Variants in CAST observed in about 807,000 individuals in gnomAD.
CAST encodes the protein calpastatin.
In CAST, 76 loss-of-function variants were observed where a neutral mutation model predicts 119.6. The ratio of observed to expected loss-of-function variants is 0.64; its 90% CI spans 0.53 to 0.77. CAST has a LOEUF of 0.77. Ranked by LOEUF, CAST falls within the 30% of genes least tolerant of loss-of-function variation. The pLI is 0.00. For missense variants in CAST, 953 were observed against 946.5 expected, an observed-to-expected ratio of 1.01 and a Z score of -0.09; for synonymous variants, 319 against 331.6, an observed-to-expected ratio of 0.96 and a Z score of 0.41.
the CAST span, among the ~76,000 whole-genome samples, chr5:96,246,283 G>C: frequency 1.4e-5 from 2 of 143,332 alleles, no homozygotes; most frequent in Non-Finnish European, 3.0e-5. Flanking sequence ...CCGGGGTTCA[G>C]GCCATTCTCC....
At chr5:96,345,536 C>CTAT in the CAST span, among the ~76,000 whole-genome samples, 1 of 152,184 alleles carries the variant, frequency 6.6e-6, no homozygotes, top group Non-Finnish European at 1.5e-5. Flanking sequence ...TTAAGAAACA[C>CTAT]TATATTATTC....
intron 2 of CAST, chr5:96,679,182 GTTGAAGCTA>G (rs1487684071): frequency 6.6e-6 from 1 of 152,100 alleles, no homozygotes; most frequent in Non-Finnish European, 1.5e-5. Flanking sequence ...GTAATAGAAT[GTTGAAGCTA>G]ATACATTTGT....
At chr5:96,041,713 A>C in the CAST span, among the ~76,000 whole-genome samples, 1 of 152,194 alleles carries the variant, frequency 6.6e-6, no homozygotes. Flanking sequence ...TTATAAAAAA[A>C]AAAGTCTGTT....
chr5:96,584,724 C>T (rs1447599143), intron 1 of CAST: 1 of 152,160 alleles, frequency 6.6e-6, no homozygotes. Context: ...GAGGAGGAGT[C>T]TTTTCAAGTT....
At chr5:96,056,493 A>G in the CAST span, among the ~76,000 whole-genome samples, 1 of 152,116 alleles carries the variant, frequency 6.6e-6, no homozygotes, top group African/African-American at 2.4e-5. Context: ...ATTCACACAG[A>G]TGGGTTGTTT....
At chr5:96,654,425 A>C (rs1748131086) in intron 1 of CAST, among the ~76,000 whole-genome samples, 1 of 152,266 alleles carries the variant, frequency 6.6e-6, no homozygotes, top group East Asian at 1.9e-4. Flanking sequence ...CAAACTGTGG[A>C]GTACATAATG....
the CAST span, among the ~76,000 whole-genome samples, chr5:96,008,782 T>A: frequency 6.6e-6 from 1 of 152,214 alleles, no homozygotes; most frequent in Non-Finnish European, 1.5e-5. Flanking sequence ...AATGCTGAGA[T>A]ACAGAGAGAG....
At chr5:96,771,069 T>C (rs1772127850) in intron 30 of CAST, among the ~76,000 whole-genome samples, 1 of 152,120 alleles carries the variant, frequency 6.6e-6, no homozygotes, top group African/African-American at 2.4e-5. Context: ...AGGTGTAGCT[T>C]TAAAGACAAT....
At chr5:96,713,473 A>G (rs1251374341) in intron 3 of CAST, among the ~76,000 whole-genome samples, 1 of 152,058 alleles carries the variant, frequency 6.6e-6, no homozygotes. Context: ...ATCAATAACC[A>G]TATATGCTTT....
chr5:96,640,462 C>A (rs546222150), intron 1 of CAST, among the ~76,000 whole-genome samples: 20 of 152,334 alleles, frequency 1.3e-4, no homozygotes, highest in African/African-American at 4.6e-4. Context: ...CTTTACTCTT[C>A]TCCAGATAGT....
At chr5:96,231,325 A>G in the CAST span, among the ~76,000 whole-genome samples, 3 of 152,186 alleles carry the variant, frequency 2.0e-5, no homozygotes. Context: ...GTGCTGATAT[A>G]TGCTACAACA....
chr5:96,486,886 T>C, the CAST span, among the ~76,000 whole-genome samples: 25,749 of 152,084 alleles, frequency 0.17, 2,428 homozygotes, highest in Middle Eastern at 0.28. Flanking sequence ...AGAGATTATC[T>C]AAAGAAAGAG....
At chr5:96,386,197 G>T in the CAST span, among the ~76,000 whole-genome samples, 1 of 152,098 alleles carries the variant, frequency 6.6e-6, no homozygotes, top group Non-Finnish European at 1.5e-5. Flanking sequence ...TTTGAAAATT[G>T]TTACTCCAAT....
At chr5:96,274,526 T>A in the CAST span, among the ~76,000 whole-genome samples, 6 of 152,234 alleles carry the variant, frequency 3.9e-5, no homozygotes, top group Admixed American at 3.3e-4. Context: ...GGATGAAATG[T>A]ATTTTGGAAC....
upstream of CAST, among the ~76,000 whole-genome samples, chr5:96,521,869 A>G (rs534615019): frequency 4.3e-4 from 66 of 152,330 alleles, no homozygotes; most frequent in Non-Finnish European, 8.1e-4. Context: ...CTGTAATCCC[A>G]GCACTTTGGG....
chr5:96,162,078 CT>C, the CAST span, among the ~76,000 whole-genome samples: 1 of 152,142 alleles, frequency 6.6e-6, no homozygotes. Flanking sequence ...TACACTTCTT[CT>C]TTTCCAATAT....
intron 1 of CAST, among the ~76,000 whole-genome samples, chr5:96,638,296 C>A (rs1747908483): frequency 6.6e-6 from 1 of 151,946 alleles, no homozygotes; most frequent in African/African-American, 2.4e-5. Context: ...ATCCCAGCTA[C>A]TAGGGAGGCT....
At chr5:95,972,950 A>G in the CAST span, 1 of 152,240 alleles carries the variant, frequency 6.6e-6, no homozygotes, top group African/African-American at 2.4e-5. Context: ...CTTTAAATTA[A>G]TTGCACATAA....
intron 1 of CAST, among the ~76,000 whole-genome samples, chr5:96,667,345 G>A (rs756081695): frequency 4.6e-5 from 7 of 152,252 alleles, no homozygotes; most frequent in Non-Finnish European, 7.4e-5. Flanking sequence ...CAAAAAAATC[G>A]TGCAGTGGTC....
Sources: gnomAD v4.1 joint callset for allele counts (sites outside exome capture counted in the v4.1 genomes callset) on GRCh38, gnomAD v4.1.1 for gene constraint, MANE v1.5 for transcripts, NCBI Gene and HGNC (gene_info 2026-07-23, HGNC 2026-07-21) for gene names.